The following SRRM4 variants were observed in gnomAD, a reference collection of about 807,000 sequenced individuals.
SRRM4 encodes the protein serine/arginine repetitive matrix protein 4.
SRRM4 carries 33 observed loss-of-function variants against 68.9 expected under a neutral mutation model. That is an observed-to-expected ratio of 0.48 (90% CI 0.36 to 0.64). SRRM4 has a LOEUF of 0.64. Ranked by LOEUF, SRRM4 falls within the 30% of genes least tolerant of loss-of-function variation. The pLI is 0.00. For missense variants in SRRM4, 817 were observed against 827.1 expected (o/e 0.99, Z 0.15); for synonymous variants, 318 against 318.8 (o/e 1.00, Z 0.03).
intron 1 of SRRM4, among the ~76,000 whole-genome samples, chr12:119,033,368 A>T (rs1953604540): frequency 6.6e-6 from 1 of 152,186 alleles, no homozygotes; most frequent in South Asian, 2.1e-4. Flanking sequence ...GTACATCTCT[A>T]AAAAATATTT....
rs966266783 is a variant in SRRM4, at chr12:119,162,255, C to T, written c.*5457C>T. The T allele has an allele frequency of 3.3e-5, 5 of 152,192 alleles. No homozygotes were observed. Among genetic ancestry groups the T allele is most frequent in the African/African-American group, 1.2e-4 (5 of 41,446 alleles). 9.4% of individuals were successfully genotyped at this position (152,192 alleles called of 1,614,324 possible). Reference sequence around the variant, plus strand: ...TTCATTTGCAGAATGAGGTCATAGTCGTTGAGTCCCACAGTCATATATGGG... The same window carrying T: ...TTCATTTGCAGAATGAGGTCATAGTTGTTGAGTCCCACAGTCATATATGGG... On this transcript the variant is annotated 3_prime_UTR_variant, in exon 13 of 13. Transcript: ENST00000267260.
At chr12:119,000,187 T>G (rs1357508440) in intron 1 of SRRM4, among the ~76,000 whole-genome samples, 1 of 152,184 alleles carries the variant, frequency 6.6e-6, no homozygotes, top group Admixed American at 6.5e-5. Context: ...TCCCAAGGCC[T>G]GTGACCATTG....
intron 1 of SRRM4, among the ~76,000 whole-genome samples, chr12:119,004,475 G>A (rs1445438633): frequency 6.6e-6 from 1 of 151,998 alleles, no homozygotes; most frequent in Non-Finnish European, 1.5e-5. Flanking sequence ...GGGGAGGGGA[G>A]CCTACAGCAG....
At chr12:119,113,598 T>C (rs1954158226) in intron 2 of SRRM4, among the ~76,000 whole-genome samples, 1 of 152,192 alleles carries the variant, frequency 6.6e-6, no homozygotes, top group Non-Finnish European at 1.5e-5. Context: ...GTTGGCATGT[T>C]CCAATTCCCA....
intron 1 of SRRM4, among the ~76,000 whole-genome samples, chr12:119,035,354 A>T (rs921324141): frequency 6.6e-6 from 1 of 152,148 alleles, no homozygotes; most frequent in Admixed American, 6.5e-5. Flanking sequence ...GAAAAGTTTG[A>T]CCAATGTGTT....
chr12:119,058,947 C>T (rs867855207), intron 1 of SRRM4, among the ~76,000 whole-genome samples: 3 of 152,178 alleles, frequency 2.0e-5, no homozygotes, highest in Admixed American at 6.5e-5. Flanking sequence ...CCACCCCACC[C>T]GCAGCAGAGC....
chr12:119,157,028 A>T lies in SRRM4; in HGVS notation c.*230A>T, dbSNP rs2136071564. On this transcript the variant is annotated 3_prime_UTR_variant, in exon 13 of 13. Coordinates refer to ENST00000267260, the MANE Select transcript of SRRM4 (RefSeq NM_194286.4). The surrounding 1 kb of genome is among the most constrained non-coding windows in gnomAD (Gnocchi z 4.1). The stretch of plus-strand genomic sequence containing the variant: ...GCCCAGCTCAGGCCTGGGCATATGG[A>T]AAGAACCATCATCTTGTGGCACAAA... 2.0e-6 allele frequency: 1 copy of T among 505,086 alleles called. No individual in the cohort carries two copies. Among genetic ancestry groups the T allele is most frequent in the East Asian group, 3.1e-5 (1 of 31,878 alleles). 31.3% of individuals were successfully genotyped at this position (505,086 alleles called of 1,614,324 possible). A position where few individuals can be genotyped will look rare whatever the true frequency, so the allele number is the denominator to read the frequency against.
chr12:119,017,393 C>T (rs886672297), intron 1 of SRRM4, among the ~76,000 whole-genome samples: 1 of 152,362 alleles, frequency 6.6e-6, no homozygotes, highest in East Asian at 1.9e-4. Flanking sequence ...GCATTTCCTT[C>T]TTTCTGGATA....
At chr12:119,130,500 C>A (rs1371159288) in intron 7 of SRRM4, among the ~76,000 whole-genome samples, 178 bp from the exon 8 acceptor site, 1 of 152,080 alleles carries the variant, frequency 6.6e-6, no homozygotes, top group Non-Finnish European at 1.5e-5. Flanking sequence ...AATGAATATA[C>A]ACACAGTCCA....
intron 1 of SRRM4, among the ~76,000 whole-genome samples, chr12:119,089,121 TAA>T (rs1197134597): frequency 6.6e-6 from 1 of 152,090 alleles, no homozygotes; most frequent in African/African-American, 2.4e-5. Context: ...CCATGCAGTT[TAA>T]AGAGAGCCCA....
intron 1 of SRRM4, among the ~76,000 whole-genome samples, chr12:119,094,847 G>A (rs1010168126): frequency 2.0e-5 from 3 of 152,300 alleles, no homozygotes; most frequent in Middle Eastern, 3.4e-3. Flanking sequence ...CAATGTCTTG[G>A]TTACTTTTGG....
At chr12:119,134,583 G>A (rs1324275928) in intron 8 of SRRM4, among the ~76,000 whole-genome samples, 1 of 152,104 alleles carries the variant, frequency 6.6e-6, no homozygotes, top group African/African-American at 2.4e-5. Context: ...AATAGGCCCT[G>A]TCATTACCTC....
chr12:119,069,337 C>T (rs1953864102), intron 1 of SRRM4, among the ~76,000 whole-genome samples: 1 of 152,094 alleles, frequency 6.6e-6, no homozygotes, highest in African/African-American at 2.4e-5. Flanking sequence ...AAGGGTGGGG[C>T]CAAGGAATTC....
chr12:119,075,696 A>T (rs1244317408), intron 1 of SRRM4, among the ~76,000 whole-genome samples: 402 of 74,732 alleles, frequency 5.4e-3, no homozygotes, highest in Middle Eastern at 0.019. Context: ...GTGATGATGA[A>T]GATGGTGATG....
At chr12:119,153,865 C>A (rs1370423866) in intron 11 of SRRM4, among the ~76,000 whole-genome samples, 1 of 152,120 alleles carries the variant, frequency 6.6e-6, no homozygotes, top group East Asian at 1.9e-4. Context: ...GTCCCGCAGA[C>A]ATACCCCAGA....
At chr12:119,075,294 T>A (rs1953900876) in intron 1 of SRRM4, among the ~76,000 whole-genome samples, 1 of 152,230 alleles carries the variant, frequency 6.6e-6, no homozygotes, top group South Asian at 2.1e-4. Flanking sequence ...TAAAAAAAAT[T>A]AATAATTTTC....
intron 1 of SRRM4, among the ~76,000 whole-genome samples, chr12:119,016,513 AT>A (rs1953482579): frequency 6.6e-6 from 1 of 152,114 alleles, no homozygotes; most frequent in African/African-American, 2.4e-5. Flanking sequence ...CCCCAGCCCA[AT>A]TTCTAATCAA....
At chr12:119,068,620 C>T (rs970699997) in intron 1 of SRRM4, among the ~76,000 whole-genome samples, 6 of 152,056 alleles carry the variant, frequency 3.9e-5, no homozygotes, top group African/African-American at 1.4e-4. Context: ...TATTTATCTC[C>T]CATGCCGCAG....
In SRRM4 at chr12:118,981,872, T is replaced by G. The variant is rs763142902; in HGVS notation, c.-11T>G. 3.7e-6 allele frequency: 6 copies of G among 1,612,736 alleles called. 1 individual carries two copies. The South Asian group carries it at 6.6e-5, about 18-fold the overall frequency. On this transcript the variant is annotated 5_prime_UTR_variant, in exon 1 of 13. Coordinates refer to ENST00000267260, the MANE Select transcript of SRRM4 (RefSeq NM_194286.4). ...CAGCGCCCCGGACGCCCCGGCCCCT[T>G]TGGGTTGGCGATGGCGAGCGTTCAG...
Sources: allele counts gnomAD v4.1 joint callset (sites outside exome capture counted in the v4.1 genomes callset), GRCh38; gene constraint gnomAD v4.1.1; non-coding constraint Gnocchi (gnomAD v3.1); transcripts MANE v1.5; gene names NCBI Gene and HGNC (gene_info 2026-07-23, HGNC 2026-07-21).